SPMAP2L: variants seen among roughly 807,000 people sequenced by gnomAD.
The protein encoded by SPMAP2L is sperm microtubule associated protein 2 like.
the SPMAP2L span, chr4:56,593,708 G>C: frequency 6.3e-7 from 1 of 1,588,670 alleles, no homozygotes; most frequent in Middle Eastern, 1.8e-4. Flanking sequence ...AATGGTGGGG[G>C]CAACAAGAGA....
chr4:56,545,552 C>A, the SPMAP2L span, among the ~76,000 whole-genome samples: 1 of 151,904 alleles, frequency 6.6e-6, no homozygotes, highest in East Asian at 1.9e-4. Flanking sequence ...ATAGTGAGAC[C>A]CTGTCTACAA....
chr4:56,562,703 T>C, the SPMAP2L span, among the ~76,000 whole-genome samples: 1 of 151,898 alleles, frequency 6.6e-6, no homozygotes, highest in Non-Finnish European at 1.5e-5. Flanking sequence ...CTGTACTGTA[T>C]AATAAGAATA....
the SPMAP2L span, chr4:56,593,340 A>G: frequency 3.5e-6 from 4 of 1,149,736 alleles, no homozygotes; most frequent in Non-Finnish European, 2.6e-6. Context: ...ACCCACAGAC[A>G]ATAGCTGTTG....
the SPMAP2L span, chr4:56,594,187 G>A: frequency 6.2e-7 from 1 of 1,613,274 alleles, no homozygotes; most frequent in South Asian, 1.1e-5. Context: ...GTATTCCAGG[G>A]TCTGTGTTCA....
chr4:56,531,531 A>C, the SPMAP2L span, among the ~76,000 whole-genome samples: 1 of 152,184 alleles, frequency 6.6e-6, no homozygotes. Context: ...TTATTAGAGC[A>C]CTTAAGATCT....
the SPMAP2L span, chr4:56,530,630 C>G: frequency 1.6e-4 from 239 of 1,508,760 alleles, 1 homozygote; most frequent in East Asian, 5.5e-3. Context: ...GCCTGGGCAA[C>G]CAGTCGGGAG....
chr4:56,558,199 C>T, the SPMAP2L span, among the ~76,000 whole-genome samples: 4 of 152,124 alleles, frequency 2.6e-5, no homozygotes, highest in East Asian at 3.8e-4. Context: ...AACTCCTGAT[C>T]GCAGGTGATC....
chr4:56,572,854 A>C, the SPMAP2L span, among the ~76,000 whole-genome samples: 1 of 152,090 alleles, frequency 6.6e-6, no homozygotes, highest in Non-Finnish European at 1.5e-5. Flanking sequence ...TGTCTATACT[A>C]AAAATACAAA....
chr4:56,605,835 G>C, the SPMAP2L span, among the ~76,000 whole-genome samples: 1 of 152,152 alleles, frequency 6.6e-6, no homozygotes, highest in African/African-American at 2.4e-5. Flanking sequence ...CCTTGAGTTC[G>C]TGTCCGGCAT....
the SPMAP2L span, among the ~76,000 whole-genome samples, chr4:56,597,808 C>T: frequency 6.6e-6 from 1 of 152,118 alleles, no homozygotes; most frequent in Admixed American, 6.5e-5. Context: ...ACTTTCAAGA[C>T]TACTGAGAGT....
the SPMAP2L span, chr4:56,593,977 T>C: frequency 6.2e-7 from 1 of 1,609,998 alleles, no homozygotes; most frequent in African/African-American, 1.3e-5. Context: ...CCTTGAAGAT[T>C]CAGTGTGGCT....
the SPMAP2L span, among the ~76,000 whole-genome samples, chr4:56,538,000 G>T: frequency 3.9e-5 from 6 of 152,042 alleles, no homozygotes; most frequent in African/African-American, 1.4e-4. Context: ...GCTTCACCTG[G>T]ATTTCTACAT....
the SPMAP2L span, among the ~76,000 whole-genome samples, chr4:56,572,048 T>C: frequency 6.6e-6 from 1 of 152,306 alleles, no homozygotes; most frequent in East Asian, 1.9e-4. Context: ...GTTAATTTTT[T>C]TTATAAGTAG....
chr4:56,533,065 T>G, the SPMAP2L span, among the ~76,000 whole-genome samples: 1 of 152,098 alleles, frequency 6.6e-6, no homozygotes, highest in African/African-American at 2.4e-5. Context: ...CACCTTATAT[T>G]CCATGGACCA....
chr4:56,600,097 C>CTTTCTTTT, the SPMAP2L span, among the ~76,000 whole-genome samples: 2 of 87,782 alleles, frequency 2.3e-5, no homozygotes, highest in African/African-American at 1.0e-4. Flanking sequence ...TCTTTGCTTT[C>CTTTCTTTT]TTTTTTTTTT....
At chr4:56,540,689 C>T in the SPMAP2L span, among the ~76,000 whole-genome samples, 1 of 152,006 alleles carries the variant, frequency 6.6e-6, no homozygotes, top group African/African-American at 2.4e-5. Context: ...CAGCCAAAGC[C>T]CATCAGTTCG....
chr4:56,553,367 T>C, the SPMAP2L span, among the ~76,000 whole-genome samples: 1 of 151,674 alleles, frequency 6.6e-6, no homozygotes, highest in Non-Finnish European at 1.5e-5. Flanking sequence ...ATTTTTAAAT[T>C]TTTTTGTGGA....
the SPMAP2L span, among the ~76,000 whole-genome samples, chr4:56,619,245 A>G: frequency 6.6e-6 from 1 of 152,348 alleles, no homozygotes; most frequent in African/African-American, 2.4e-5. Flanking sequence ...ACCTATTTTC[A>G]GACTGTGATT....
the SPMAP2L span, among the ~76,000 whole-genome samples, chr4:56,599,587 T>C: frequency 2.0e-5 from 3 of 152,132 alleles, no homozygotes; most frequent in Non-Finnish European, 4.4e-5. Flanking sequence ...TGGTGTGTGT[T>C]GTTCCCCTCT....
Sources: allele counts gnomAD v4.1 joint callset (sites outside exome capture counted in the v4.1 genomes callset), GRCh38; gene constraint gnomAD v4.1.1; transcripts MANE v1.5; gene names NCBI Gene and HGNC (gene_info 2026-07-23, HGNC 2026-07-21).